The following ARV1 variants were observed in gnomAD, a reference collection of about 807,000 sequenced individuals.
The protein encoded by ARV1 is protein ARV1.
In ARV1, 26 loss-of-function variants were observed where a neutral mutation model predicts 31.1. The observed-to-expected ratio is 0.84, with a 90% CI of 0.61 to 1.16. The LOEUF (loss-of-function observed/expected upper bound fraction) is 1.16. Among genes scored for constraint, ARV1 ranks in the 50% most tolerant of loss-of-function variants. The pLI is 0.00. For missense variants in ARV1, 281 were observed against 324.9 expected, an observed-to-expected ratio of 0.86 and a Z score of 1.04; for synonymous variants, 117 against 123.2, an observed-to-expected ratio of 0.95 and a Z score of 0.34.
chr1:230,994,628 G>A lies in ARV1; in HGVS notation c.449-1132G>A, dbSNP rs1031736538. ...ACAATCTCGGCTCACTGCAAGCTCC[G>A]CCTCCCGGGTTCACGCCATTCTCCT... On this transcript the variant is annotated intron_variant, in intron 3 of 5. Coordinates refer to ENST00000310256, the MANE Select transcript of ARV1 (RefSeq NM_022786.3). Among the ~76,000 whole-genome samples, 45 of 148,208 alleles carry A rather than the reference G, an allele frequency of 3.0e-4. No individual in the cohort carries two copies. In the East Asian group the frequency reaches 7.2e-3, roughly 24 times the overall value.
chr1:230,989,846 T>C (rs1376324721), intron 2 of ARV1, among the ~76,000 whole-genome samples: 1 of 152,224 alleles, frequency 6.6e-6, no homozygotes, highest in East Asian at 1.9e-4. Context: ...TTTCAAAGTA[T>C]GATGTCTATG....
In ARV1 at chr1:230,979,292, G is replaced by C; in HGVS notation, c.174+13G>C. On this transcript the variant is annotated intron_variant, in intron 1 of 5. Coordinates refer to ENST00000310256, the MANE Select transcript of ARV1 (RefSeq NM_022786.3). ...GATAACCATCTGTGTGAGTTGTCAG[G>C]TGTGGGGTGCCCTTGAGAAGAAAAT... 6.2e-7 allele frequency: 1 copy of C among 1,613,070 alleles called. No homozygotes were observed.
At chr1:230,988,583 A>C in intron 2 of ARV1, 144 bp downstream of exon 2, 1 of 652,190 alleles carries the variant, frequency 1.5e-6, no homozygotes, top group Non-Finnish European at 2.4e-6. Flanking sequence ...ATTGCAACAT[A>C]TCTGGAAGTT....
chr1:230,988,357 A>G lies in ARV1; in HGVS notation c.212A>G (p.Tyr71Cys). ...AAACCTGTAGACAAATATATCGAGT[A>G]TGATCCTGTTATCATCTTGATTAAT... ...CQKPVDKYIE[Y>C]DPVIILINAI... Residue 71 changes from tyrosine to cysteine, a missense_variant, in exon 2 of 6, where the codon TAT becomes TGT. Physicochemically the swap from Tyr to Cys is radical, Grantham distance 194 (BLOSUM62 -2). Coordinates refer to ENST00000310256, the MANE Select transcript of ARV1 (RefSeq NM_022786.3). The G allele has an allele frequency of 1.3e-6, 2 of 1,595,936 alleles. No homozygotes were observed. Among genetic ancestry groups the G allele is most frequent in the South Asian group, 2.2e-5 (2 of 89,806 alleles).
In ARV1 at chr1:230,988,458, A is replaced by C; in HGVS notation, c.294+19A>C. The C allele has an allele frequency of 6.8e-7, 1 of 1,476,250 alleles. No homozygotes were observed. The highest frequency in any genetic ancestry group is 9.1e-7 in the Non-Finnish European group (1 of 1,096,628). 91.4% of individuals were successfully genotyped at this position (1,476,250 alleles called of 1,614,324 possible). On this transcript the variant is annotated intron_variant, in intron 2 of 5. Transcript: ENST00000310256. ...AATAAATGTAAGTTGTGATAATTTC[A>C]TTTTTTAATTTTATTTGATGCTGTT... is the stretch of plus-strand genomic sequence containing the variant.
chr1:230,997,743 T>C (rs1679410233), intron 5 of ARV1, among the ~76,000 whole-genome samples: 1 of 152,218 alleles, frequency 6.6e-6, no homozygotes, highest in South Asian at 2.1e-4. Context: ...TCTCTGTTAG[T>C]ACCTTGACAT....
intron 3 of ARV1, among the ~76,000 whole-genome samples, chr1:230,992,145 T>C (rs886389814): frequency 6.6e-6 from 1 of 152,184 alleles, no homozygotes; most frequent in African/African-American, 2.4e-5. Flanking sequence ...CCCGTTTCAC[T>C]CAGAGTGCAA....
intron 2 of ARV1, among the ~76,000 whole-genome samples, chr1:230,989,479 G>C (rs1397783636): frequency 6.6e-6 from 1 of 152,064 alleles, no homozygotes; most frequent in Non-Finnish European, 1.5e-5. Context: ...ACCTGAAGGA[G>C]GAATACATAG....
At chr1:230,984,977 G>C (rs947094176) in intron 1 of ARV1, among the ~76,000 whole-genome samples, 2 of 152,136 alleles carry the variant, frequency 1.3e-5, no homozygotes, top group African/African-American at 4.8e-5. Flanking sequence ...TTACGGAAGG[G>C]GGTTGGGTAA....
intron 1 of ARV1, among the ~76,000 whole-genome samples, chr1:230,979,878 C>G (rs1335465405): frequency 1.3e-5 from 2 of 152,082 alleles, no homozygotes; most frequent in Non-Finnish European, 2.9e-5. Flanking sequence ...CCTATGGAGT[C>G]TCCTGCTACT....
At chr1:230,979,307 GAGA>G in intron 1 of ARV1, 28 bp downstream of exon 1, 1 of 1,610,868 alleles carries the variant, frequency 6.2e-7, no homozygotes, top group African/African-American at 1.3e-5. Context: ...GGGTGCCCTT[GAGA>G]AGAAAATGGC....
chr1:230,979,130 C>T lies in ARV1; in HGVS notation c.25C>T (p.Leu9=), dbSNP rs1678731564. The change falls in exon 1 of 6, where the codon CTG becomes TTG. Residue 9 remains leucine (L), a synonymous_variant. Coordinates refer to ENST00000310256, the MANE Select transcript of ARV1 (RefSeq NM_022786.3). The stretch of plus-strand genomic sequence containing the variant: ...AATGGGCAACGGCGGGCGGAGCGGC[C>T]TGCAGCAGGGGAAGGGGAACGTGGA... MGNGGRSG[L]QQGKGNVDGV... 1 of 1,607,338 alleles carries T rather than the reference C, an allele frequency of 6.2e-7. No homozygotes were observed. Among genetic ancestry groups the T allele is most frequent in the Non-Finnish European group, 8.5e-7 (1 of 1,177,978 alleles).
At chr1:230,999,759 C>G (rs1220023221) in intron 5 of ARV1, 1 of 152,184 alleles carries the variant, frequency 6.6e-6, no homozygotes, top group Non-Finnish European at 1.5e-5. Flanking sequence ...AGCTTAACAC[C>G]TACAGCAGTC....
At chr1:230,989,579 A>G (rs768825259) in intron 2 of ARV1, among the ~76,000 whole-genome samples, 1 of 152,234 alleles carries the variant, frequency 6.6e-6, no homozygotes, top group Non-Finnish European at 1.5e-5. Context: ...CTCTTTTAAC[A>G]TATTGAGTCA....
Position 230,997,371 on chromosome 1 carries a change from A to C in ARV1, c.*4+104A>C, listed in dbSNP as rs759400193. On this transcript the variant is annotated intron_variant, in intron 5 of 5. Transcript: ENST00000310256. ...GGTGCCCTTACATAACCCATTCTCTAGCGTCTAACTGCCTCTAGGTCACCC... is the reference window on the plus strand; with the variant it reads ...GGTGCCCTTACATAACCCATTCTCTCGCGTCTAACTGCCTCTAGGTCACCC... The C allele has an allele frequency of 4.4e-6, 6 of 1,362,564 alleles. No individual in the cohort carries two copies. The Admixed American group carries it at 1.1e-4, about 26-fold the overall frequency. The allele number at this position is 1,362,564 out of a possible 1,614,324, so 84.4% of individuals were successfully genotyped here.
intron 4 of ARV1, 31 bp from the exon 5 acceptor site, chr1:230,997,090 C>G: frequency 6.2e-7 from 1 of 1,607,622 alleles, no homozygotes; most frequent in South Asian, 1.1e-5. Context: ...TTCATTAATT[C>G]TGAACTTATT....
At position 230,992,450 on chromosome 1, in the gene ARV1, C is replaced by T. The variant is rs539443052; in HGVS notation, c.448+2187C>T. 1.8e-4 allele frequency among the ~76,000 whole-genome samples: 28 copies of T among 152,320 alleles called. No homozygotes were observed. In the East Asian group the frequency reaches 2.3e-3, roughly 13 times the overall value. Reference sequence around the variant, plus strand: ...TGACACTCCTGATCTCCTGTTCCGGCTCTACTTTGTTTTTCTTATGGTACT... The same window carrying T: ...TGACACTCCTGATCTCCTGTTCCGGTTCTACTTTGTTTTTCTTATGGTACT... On this transcript the variant is annotated intron_variant, in intron 3 of 5. Coordinates refer to ENST00000310256, the MANE Select transcript of ARV1 (RefSeq NM_022786.3).
intron 1 of ARV1, among the ~76,000 whole-genome samples, chr1:230,981,186 A>G (rs1678901637): frequency 6.6e-6 from 1 of 152,136 alleles, no homozygotes; most frequent in African/African-American, 2.4e-5. Flanking sequence ...ACGCATAGTC[A>G]TCGTGCCTCT....
chr1:230,998,489 T>A (rs1476515137), intron 5 of ARV1, among the ~76,000 whole-genome samples: 5 of 152,184 alleles, frequency 3.3e-5, no homozygotes, highest in Admixed American at 2.6e-4. Context: ...CTCTCCCCTC[T>A]GCCTATGCAC....
Sources: allele counts gnomAD v4.1 joint callset (sites outside exome capture counted in the v4.1 genomes callset), GRCh38; gene constraint gnomAD v4.1.1; transcripts MANE v1.5; gene names NCBI Gene and HGNC (gene_info 2026-07-23, HGNC 2026-07-21).